STPG2: variants seen among roughly 807,000 people sequenced by gnomAD.
STPG2 encodes sperm tail PG-rich repeat containing 2, also known as sperm-tail PG-rich repeat-containing protein 2.
In STPG2, 56 loss-of-function variants were observed where a neutral mutation model predicts 54.2. The ratio of observed to expected loss-of-function variants is 1.03; its 90% confidence interval spans 0.83 to 1.29. STPG2 has a LOEUF of 1.29. Among genes scored for constraint, STPG2 ranks in the 50% most tolerant of loss-of-function variants. The pLI is 0.00. For missense variants in STPG2, 596 were observed against 544.9 expected, an observed-to-expected ratio of 1.09 and a Z score of -0.93; for synonymous variants, 200 against 181.8, an observed-to-expected ratio of 1.10 and a Z score of -0.81.
At chr4:97,637,228 C>G (rs1721579101) in intron 10 of STPG2, among the ~76,000 whole-genome samples, 1 of 152,076 alleles carries the variant, frequency 6.6e-6, no homozygotes, top group African/African-American at 2.4e-5. Context: ...ATAAACAGAG[C>G]CAAAGACAAA....
Position 97,840,805 on chromosome 4 carries a change from G to A in STPG2, c.1172C>T (p.Pro391Leu). 6.2e-7 allele frequency: 1 copy of A among 1,611,762 alleles called. No homozygotes were observed. The highest frequency in any genetic ancestry group is 8.5e-7 in the Non-Finnish European group (1 of 1,178,386). The change falls in exon 9 of 11, where the codon CCT becomes CTT. Residue 391 changes from proline to leucine, a missense_variant. Pro to Leu is a moderately conservative substitution (Grantham distance 98). Transcript: ENST00000295268. Reference sequence around the variant, plus strand: ...ATCAGTCACTTTTTCTAGGCACCGAGGAGTTGCACTAAGAAAAGAGGCATG... The same window carrying A: ...ATCAGTCACTTTTTCTAGGCACCGAAGAGTTGCACTAAGAAAAGAGGCATG... ...RKHASFLSAT[P>L]RCLEKVTDGP...
intron 9 of STPG2, among the ~76,000 whole-genome samples, chr4:97,810,877 G>A (rs1292788380): frequency 6.6e-6 from 1 of 152,046 alleles, no homozygotes; most frequent in Admixed American, 6.6e-5. Flanking sequence ...CCATTATAAA[G>A]CATTACAAAT....
intron 5 of STPG2, among the ~76,000 whole-genome samples, chr4:98,058,534 A>G (rs957147057): frequency 6.6e-6 from 1 of 152,212 alleles, no homozygotes; most frequent in African/African-American, 2.4e-5. Flanking sequence ...ACAGGTACCC[A>G]ATGCAAGAGC....
At chr4:97,712,427 T>C (rs889241403) in intron 10 of STPG2, among the ~76,000 whole-genome samples, 13 of 152,160 alleles carry the variant, frequency 8.5e-5, no homozygotes, top group African/African-American at 3.1e-4. Flanking sequence ...GCAAGTGAAC[T>C]TTAATATTTG....
chr4:97,763,440 A>G (rs1176950103), intron 9 of STPG2, among the ~76,000 whole-genome samples: 2 of 152,206 alleles, frequency 1.3e-5, no homozygotes, highest in Non-Finnish European at 2.9e-5. Flanking sequence ...AGCATATTTA[A>G]ATATCAATTC....
At chr4:98,045,212 C>T (rs927770047) in intron 5 of STPG2, among the ~76,000 whole-genome samples, 1 of 123,256 alleles carries the variant, frequency 8.1e-6, no homozygotes, top group African/African-American at 2.5e-5. Flanking sequence ...TTTTCCCTGT[C>T]ATGCTCATCA....
At chr4:97,684,546 A>G (rs1723129854) in intron 10 of STPG2, among the ~76,000 whole-genome samples, 1 of 152,010 alleles carries the variant, frequency 6.6e-6, no homozygotes. Flanking sequence ...GCAAAAAATA[A>G]TAAGTAAGAA....
At chr4:97,454,285 G>A (rs959878235) in intron 4 of STPG2, among the ~76,000 whole-genome samples, 7 of 151,236 alleles carry the variant, frequency 4.6e-5, no homozygotes, top group South Asian at 2.1e-4. Flanking sequence ...AGGCCGAGGC[G>A]GGTGGATCAT....
chr4:97,468,093 A>G (rs552907610), intron 4 of STPG2, among the ~76,000 whole-genome samples: 9 of 152,142 alleles, frequency 5.9e-5, no homozygotes, highest in African/African-American at 2.2e-4. Flanking sequence ...TTTCTTGTTT[A>G]AACAACAAAA....
chr4:98,064,515 T>A (rs1382751917), intron 5 of STPG2, among the ~76,000 whole-genome samples: 1 of 152,240 alleles, frequency 6.6e-6, no homozygotes, highest in Non-Finnish European at 1.5e-5. Context: ...AGATGTAAAA[T>A]GTTAAAACAG....
chr4:97,528,628 C>G (rs139886969), intron 4 of STPG2, among the ~76,000 whole-genome samples: 3 of 151,984 alleles, frequency 2.0e-5, no homozygotes, highest in African/African-American at 7.2e-5. Context: ...TTCCTATCCA[C>G]GAGCATGGAA....
intron 9 of STPG2, among the ~76,000 whole-genome samples, chr4:97,751,909 A>G (rs560575913): frequency 2.0e-5 from 3 of 151,646 alleles, no homozygotes; most frequent in African/African-American, 7.3e-5. Context: ...CTAGGCATAC[A>G]CATAACCATC....
rs558083846 is a variant in STPG2 at position 97,856,788 on chromosome 4, T to C, written c.1045-15856A>G. On this transcript the variant is annotated intron_variant, in intron 8 of 10. Transcript: ENST00000295268. ...TTTGTTCATGCAGTACAATATTGGC[T>C]GTGGGTTTGTCATACATGGCTCTCA... 3.3e-5 allele frequency among the ~76,000 whole-genome samples: 5 copies of C among 152,364 alleles called. No individual in the cohort carries two copies. The East Asian group carries it at 9.6e-4, about 29-fold the overall frequency.
intron 7 of STPG2, among the ~76,000 whole-genome samples, chr4:97,948,119 C>T (rs1216105326): frequency 6.6e-6 from 1 of 151,840 alleles, no homozygotes; most frequent in Non-Finnish European, 1.5e-5. Context: ...CTATTTCTTC[C>T]CAATTTAATC....
intron 10 of STPG2, among the ~76,000 whole-genome samples, chr4:97,617,217 A>T (rs1344829715): frequency 1.3e-5 from 2 of 151,918 alleles, no homozygotes; most frequent in Non-Finnish European, 2.9e-5. Flanking sequence ...CTGTATACCC[A>T]ATATCTGGCA....
At chr4:97,561,520 C>T (rs1445675953) in intron 10 of STPG2, among the ~76,000 whole-genome samples, 1 of 152,100 alleles carries the variant, frequency 6.6e-6, no homozygotes, top group African/African-American at 2.4e-5. Context: ...GAAGTCCTTG[C>T]CCATGCCTAT....
chr4:97,563,631 A>G (rs1342851513), intron 10 of STPG2, among the ~76,000 whole-genome samples: 3 of 152,100 alleles, frequency 2.0e-5, no homozygotes, highest in Non-Finnish European at 4.4e-5. Context: ...AGATTCTTGT[A>G]TGTTGTGTCT....
chr4:97,877,460 G>A (rs186717737), intron 8 of STPG2, among the ~76,000 whole-genome samples: 38 of 152,224 alleles, frequency 2.5e-4, no homozygotes, highest in African/African-American at 5.3e-4. Context: ...GAAGTTTAAC[G>A]GACTCACAGT....
chr4:98,053,628 T>A (rs1202446079), intron 5 of STPG2, among the ~76,000 whole-genome samples: 1 of 152,122 alleles, frequency 6.6e-6, no homozygotes, highest in East Asian at 1.9e-4. Flanking sequence ...ACTTCCTCCT[T>A]CCATTTTCTT....
Sources: gnomAD v4.1 joint callset for allele counts (sites outside exome capture counted in the v4.1 genomes callset) on GRCh38, gnomAD v4.1.1 for gene constraint, MANE v1.5 for transcripts, NCBI Gene and HGNC (gene_info 2026-07-23, HGNC 2026-07-21) for gene names.